TRHDE: variants seen among roughly 807,000 people sequenced by gnomAD.
TRHDE encodes the protein thyrotropin releasing hormone degrading enzyme, also known as thyrotropin-releasing hormone-degrading ectoenzyme.
Under a neutral mutation model 125.7 loss-of-function variants are expected in TRHDE, and 72 were observed. That is an observed-to-expected ratio of 0.57 (90% CI 0.47 to 0.70). TRHDE has a LOEUF of 0.70. TRHDE is among the 30% of genes least tolerant of loss of function. TRHDE has a pLI of 0.00. For synonymous variants in TRHDE, 509 were observed against 509.1 expected, an observed-to-expected ratio of 1.00 and a Z score of 0.00; for missense variants, 1,110 against 1,327.1, an observed-to-expected ratio of 0.84 and a Z score of 2.54.
At chr12:72,154,669 A>T (rs1876459899) in intron 2 of TRHDE, among the ~76,000 whole-genome samples, 1 of 152,180 alleles carries the variant, frequency 6.6e-6, no homozygotes, top group Admixed American at 6.5e-5. Flanking sequence ...GTTTGGCTGG[A>T]TATGAAATTC....
chr12:72,311,077 C>A (rs552869734), intron 2 of TRHDE, among the ~76,000 whole-genome samples: 1 of 152,164 alleles, frequency 6.6e-6, no homozygotes, highest in Admixed American at 6.6e-5. Flanking sequence ...AGGATTTTGA[C>A]AAATGCATAT....
intron 2 of TRHDE, among the ~76,000 whole-genome samples, chr12:72,241,560 A>G (rs937279363): frequency 3.3e-5 from 5 of 152,214 alleles, no homozygotes; most frequent in Non-Finnish European, 7.3e-5. Flanking sequence ...TTACACACTG[A>G]AAGACATTTC....
chr12:72,160,423 A>G (rs34158767), intron 2 of TRHDE, among the ~76,000 whole-genome samples: 6,272 of 152,224 alleles, frequency 0.041, 208 homozygotes, highest in South Asian at 0.12. Flanking sequence ...GGTGGCTCAT[A>G]TCTGAAATCC....
Position 72,469,925 on chromosome 12 carries a change from G to T in TRHDE, c.1470+13G>T. ...GATATGTCACCAGGTATGAGAAAAAGAATCAGGTGTAAGTATAATGTGAAA... is the reference window on the plus strand; with the variant it reads ...GATATGTCACCAGGTATGAGAAAAATAATCAGGTGTAAGTATAATGTGAAA... On this transcript the variant is annotated intron_variant, in intron 4 of 18. Transcript: ENST00000261180. 1 of 1,612,958 alleles carries T rather than the reference G, an allele frequency of 6.2e-7. No individual in the cohort carries two copies. Among genetic ancestry groups the T allele is most frequent in the South Asian group, 1.1e-5 (1 of 90,970 alleles).
chr12:72,132,374 G>A (rs1875884918), intron 2 of TRHDE, among the ~76,000 whole-genome samples: 1 of 152,160 alleles, frequency 6.6e-6, no homozygotes, highest in African/African-American at 2.4e-5. Flanking sequence ...TTCTTTCAGG[G>A]GGCACTGCTT....
chr12:72,509,275 C>A (rs372568692), intron 6 of TRHDE, among the ~76,000 whole-genome samples: 2 of 151,900 alleles, frequency 1.3e-5, no homozygotes, highest in Admixed American at 1.3e-4. Context: ...CCACCGCACC[C>A]CCCCGCACAC....
intron 15 of TRHDE, among the ~76,000 whole-genome samples, chr12:72,631,707 A>G (rs1181621101): frequency 4.6e-5 from 7 of 151,936 alleles, no homozygotes; most frequent in African/African-American, 1.7e-4. Flanking sequence ...AGCAATACAC[A>G]TAAACACGCA....
At chr12:72,473,010 A>T (rs1383474003) in intron 4 of TRHDE, 57 bp from the exon 5 acceptor site, 12 of 1,297,170 alleles carry the variant, frequency 9.3e-6, no homozygotes, top group Non-Finnish European at 1.3e-5. Flanking sequence ...ATTTTAGATA[A>T]AATAGTTTGG....
intron 17 of TRHDE, among the ~76,000 whole-genome samples, chr12:72,653,628 T>G (rs990854732): frequency 1.3e-5 from 2 of 152,100 alleles, no homozygotes; most frequent in Non-Finnish European, 2.9e-5. Flanking sequence ...ATCATTTGAA[T>G]CATTGTATAA....
chr12:72,443,908 A>C, intron 3 of TRHDE, among the ~76,000 whole-genome samples: 1 of 151,848 alleles, frequency 6.6e-6, no homozygotes, highest in Middle Eastern at 3.4e-3. Context: ...AAATGAGATA[A>C]TTTTTCAATT....
intron 2 of TRHDE, among the ~76,000 whole-genome samples, chr12:72,209,334 G>C (rs1406614366): frequency 1.3e-5 from 2 of 152,168 alleles, no homozygotes; most frequent in Non-Finnish European, 2.9e-5. Flanking sequence ...TGGTTCCCCA[G>C]AGTCCTGAAT....
chr12:72,347,857 T>G (rs1365834157), intron 2 of TRHDE, among the ~76,000 whole-genome samples: 3 of 151,984 alleles, frequency 2.0e-5, no homozygotes, highest in African/African-American at 7.2e-5. Flanking sequence ...CCCGTTACTT[T>G]TGTCATATTT....
At chr12:72,553,712 T>C (rs1161623307) in intron 7 of TRHDE, among the ~76,000 whole-genome samples, 1 of 151,994 alleles carries the variant, frequency 6.6e-6, no homozygotes, top group Non-Finnish European at 1.5e-5. Context: ...AATTTTTCTT[T>C]TCTTTTTCTA....
chr12:72,255,787 A>AC (rs1473547782), intron 2 of TRHDE: 1 of 152,208 alleles, frequency 6.6e-6, no homozygotes, highest in East Asian at 1.9e-4. Flanking sequence ...GTAAACAAGA[A>AC]AGGGGGAGAA....
At chr12:72,275,973 T>C (rs1467204032) in intron 1 of TRHDE, among the ~76,000 whole-genome samples, 5 of 152,200 alleles carry the variant, frequency 3.3e-5, no homozygotes, top group East Asian at 1.9e-4. Context: ...CATTTTTTTT[T>C]CCTTCCTCAT....
intron 12 of TRHDE, among the ~76,000 whole-genome samples, chr12:72,611,538 A>G (rs1446037983): frequency 1.3e-5 from 2 of 152,168 alleles, no homozygotes; most frequent in Admixed American, 6.5e-5. Flanking sequence ...TTCAACTTCT[A>G]CTGGCCATAA....
At chr12:72,456,065 ACT>A (rs1213341337) in intron 3 of TRHDE, among the ~76,000 whole-genome samples, 23 of 150,134 alleles carry the variant, frequency 1.5e-4, no homozygotes, top group African/African-American at 5.1e-4. Context: ...CAGTATATAC[ACT>A]CATATATACT....
At chr12:72,480,099 T>C (rs1272759741) in intron 5 of TRHDE, among the ~76,000 whole-genome samples, 2 of 151,470 alleles carry the variant, frequency 1.3e-5, no homozygotes, top group East Asian at 3.9e-4. Context: ...TCTTTGCTAT[T>C]GTGAATAGTG....
chr12:72,418,161 CAA>C (rs912758218), intron 3 of TRHDE, among the ~76,000 whole-genome samples: 2 of 152,052 alleles, frequency 1.3e-5, no homozygotes, highest in African/African-American at 4.8e-5. Context: ...AATTCGTTCT[CAA>C]GAGTAACTTT....
Sources: gnomAD v4.1 joint callset for allele counts (sites outside exome capture counted in the v4.1 genomes callset) on GRCh38, gnomAD v4.1.1 for gene constraint, MANE v1.5 for transcripts, NCBI Gene and HGNC (gene_info 2026-07-23, HGNC 2026-07-21) for gene names.